Variants in FAM83G observed in about 807,000 individuals in gnomAD.
FAM83G encodes the protein scaffolding CK1 anchoring protein G.
FAM83G carries 38 observed loss-of-function variants against 61.5 expected under a neutral mutation model. The ratio of observed to expected loss-of-function variants is 0.62; its 90% CI spans 0.48 to 0.81. FAM83G has a LOEUF of 0.81. Ranked by LOEUF, FAM83G falls within the 30% of genes least tolerant of loss-of-function variation. FAM83G has a pLI of 0.00. For synonymous variants in FAM83G, 470 were observed against 476.1 expected (o/e 0.99, Z 0.17); for missense variants, 989 against 1,133.6 (o/e 0.87, Z 1.83).
At chr17:18,983,876 A>G (rs1394418231) in intron 3 of FAM83G, among the ~76,000 whole-genome samples, 1 of 152,170 alleles carries the variant, frequency 6.6e-6, no homozygotes, top group African/African-American at 2.4e-5. Flanking sequence ...CCCCTAGGCC[A>G]AGGCTGCTCA....
intron 3 of FAM83G, among the ~76,000 whole-genome samples, chr17:18,980,950 T>C (rs1325858522): frequency 1.3e-5 from 2 of 152,190 alleles, no homozygotes; most frequent in African/African-American, 4.8e-5. Flanking sequence ...CTGTGCCGGC[T>C]TCTGGCTCTC....
intron 3 of FAM83G, among the ~76,000 whole-genome samples, chr17:18,986,910 C>A (rs2043283644): frequency 6.6e-6 from 1 of 152,234 alleles, no homozygotes; most frequent in East Asian, 1.9e-4. Context: ...CTATCTGCCA[C>A]TGGAATCGAT....
At chr17:18,987,876 A>G (rs2043310112) in intron 3 of FAM83G, among the ~76,000 whole-genome samples, 1 of 152,214 alleles carries the variant, frequency 6.6e-6, no homozygotes, top group South Asian at 2.1e-4. Context: ...CTCTCCAGAA[A>G]GGCCACGAGC....
At position 18,971,143 on chromosome 17, in the gene FAM83G, C is replaced by G; in HGVS notation, c.*216G>C. ...CCATGCACATGTTTCGAGACCCCCA[C>G]ACAGGGGACCTGCCGTGGACCGGGA... On this transcript the variant is annotated 3_prime_UTR_variant, in exon 6 of 6. Transcript: ENST00000388995. The surrounding 1 kb of genome is among the most constrained non-coding windows in gnomAD (Gnocchi z 5.5). 6.2e-7 allele frequency: 1 copy of G among 1,614,086 alleles called. No individual in the cohort carries two copies. The highest frequency in any genetic ancestry group is 8.5e-7 in the Non-Finnish European group (1 of 1,180,044).
Position 18,969,469 on chromosome 17 carries a change from C to A in FAM83G, c.*1890G>T. 1.3e-6 allele frequency: 2 copies of A among 1,563,296 alleles called. No homozygotes were observed. Among genetic ancestry groups the A allele is most frequent in the Non-Finnish European group, 1.8e-6 (2 of 1,136,606 alleles). ...ATGGCGGGGCTGTCCCCACAGCGAG[C>A]CCTTTGGAGTCTGGCACTGCCCGGC... On this transcript the variant is annotated 3_prime_UTR_variant, in exon 6 of 6. Transcript: ENST00000388995.
chr17:18,971,220 T>C lies in FAM83G; in HGVS notation c.*139A>G, dbSNP rs992243960. The stretch of plus-strand genomic sequence containing the variant: ...ACCTGGTACTGGTGCACCGACCAGG[T>C]GAGTGCCAACGTCTCCCGCCCATCC... On this transcript the variant is annotated 3_prime_UTR_variant, in exon 6 of 6. Transcript: ENST00000388995. The surrounding 1 kb of genome is among the most constrained non-coding windows in gnomAD (Gnocchi z 5.5). 1.2e-6 allele frequency: 2 copies of C among 1,613,792 alleles called. No homozygotes were observed. Among genetic ancestry groups the C allele is most frequent in the Non-Finnish European group, 1.7e-6 (2 of 1,179,998 alleles).
Position 18,982,878 on chromosome 17 carries a change from G to A in FAM83G, c.691-3205C>T, listed in dbSNP as rs191328065. Among the ~76,000 whole-genome samples, 369 of 152,304 alleles carry A rather than the reference G, an allele frequency of 2.4e-3. 1 individual carries two copies. Among genetic ancestry groups the A allele is most frequent in the African/African-American group, 8.6e-3 (359 of 41,564 alleles). ...CGCCAACCAAGGCCTTTCTTTCCAC[G>A]CCTCAGTTTTCTCATCTATGAAAGG... On this transcript the variant is annotated intron_variant, in intron 3 of 5. Coordinates refer to ENST00000388995, the MANE Select transcript of FAM83G (RefSeq NM_001039999.3).
At position 18,978,162 on chromosome 17, in the gene FAM83G, G is replaced by T; in HGVS notation, c.1504C>A (p.Pro502Thr). 6 of 1,532,042 alleles carry T rather than the reference G, an allele frequency of 3.9e-6. No homozygotes were observed. The highest frequency in any genetic ancestry group is 4.4e-6 in the Non-Finnish European group (5 of 1,142,960). 94.9% of individuals were successfully genotyped at this position (1,532,042 alleles called of 1,614,324 possible). A position where few individuals can be genotyped will look rare whatever the true frequency, so the allele number is the denominator to read the frequency against. ...ACTGTCCGGGGCTTGGGCACGGGGGGCAATGGCTCAGGGTCCCCCTGGGGG... is the reference window on the plus strand; with the variant it reads ...ACTGTCCGGGGCTTGGGCACGGGGGTCAATGGCTCAGGGTCCCCCTGGGGG... Reference protein sequence around the residue: ...GLPQGDPEPLPPVPKPRTVPV... With the variant: ...GLPQGDPEPLTPVPKPRTVPV... Residue 502 changes from proline (P) to threonine (T), a missense_variant, in exon 5 of 6, where the codon CCC becomes ACC. This residue lies in a region of FAM83G where 574 missense variants were observed against 645.1 expected (regional missense o/e 0.89). Transcript: ENST00000388995.
At position 18,978,809 on chromosome 17, in the gene FAM83G, G is replaced by A. The variant is rs2043056300; in HGVS notation, c.857C>T (p.Ser286Phe). 6.2e-7 allele frequency: 1 copy of A among 1,612,874 alleles called. No homozygotes were observed. The highest frequency in any genetic ancestry group is 1.3e-5 in the African/African-American group (1 of 74,908). The change falls in exon 5 of 6, where the codon TCT becomes TTT. Residue 286 changes from serine to phenylalanine, a missense_variant. Ser to Phe is a radical substitution (Grantham distance 155). Transcript: ENST00000388995. ...CTCCACCACCTGGCCAGACAGCACA[G>A]AGATCACATTCCGGTCCGTCCGCGC... ...SAARTDRNVI[S>F]VLSGQVVEMF...
chr17:18,994,427 G>T (rs1235639472), intron 2 of FAM83G, among the ~76,000 whole-genome samples: 1 of 152,156 alleles, frequency 6.6e-6, no homozygotes, highest in Non-Finnish European at 1.5e-5. Context: ...ACGGAGTGCC[G>T]CAGGGGAGAG....
rs201705919 is a variant in FAM83G, at chr17:18,978,175, G to A, written c.1491C>T (p.Asp497=). The change falls in exon 5 of 6, where the codon GAC becomes GAT. Residue 497 remains aspartate, a synonymous_variant. Coordinates refer to ENST00000388995, the MANE Select transcript of FAM83G (RefSeq NM_001039999.3). ...TGGGCACGGGGGGCAATGGCTCAGG[G>A]TCCCCCTGGGGGAGGCCGTTCTCAG... ...VPAENGLPQG[D]PEPLPPVPKP... 314 of 1,539,602 alleles carry A rather than the reference G, an allele frequency of 2.0e-4. 4 individuals are homozygous for A. The South Asian group carries it at 3.5e-3, about 17-fold the overall frequency.
Position 18,969,286 on chromosome 17 carries a change from G to C in FAM83G, c.*2073C>G, listed in dbSNP as rs570509089. On this transcript the variant is annotated 3_prime_UTR_variant, in exon 6 of 6. Coordinates refer to ENST00000388995, the MANE Select transcript of FAM83G (RefSeq NM_001039999.3). ...GCAGGAGCCCCAGAAGTTCCTCCCCGTGTCCCTCCTCCCTGGGGCCAGGGC... is the reference window on the plus strand; with the variant it reads ...GCAGGAGCCCCAGAAGTTCCTCCCCCTGTCCCTCCTCCCTGGGGCCAGGGC... 6 of 1,591,700 alleles carry C rather than the reference G, an allele frequency of 3.8e-6. No individual in the cohort carries two copies. The highest frequency in any genetic ancestry group is 5.2e-6 in the Non-Finnish European group (6 of 1,164,100).
rs1388594559 is a variant in FAM83G at position 18,984,753 on chromosome 17, C to G, written c.690+3494G>C. 1.1e-4 allele frequency among the ~76,000 whole-genome samples: 17 copies of G among 152,254 alleles called. 1 individual carries two copies. Among genetic ancestry groups the G allele is most frequent in the Admixed American group, 1.1e-3 (17 of 15,290 alleles). On this transcript the variant is annotated intron_variant, in intron 3 of 5. Coordinates refer to ENST00000388995, the MANE Select transcript of FAM83G (RefSeq NM_001039999.3). The stretch of plus-strand genomic sequence containing the variant: ...ATCCCTCCACACCCAGTATCACCCC[C>G]AAAAGCAGCCAAGTCATGCGGCCTG...
Position 19,004,047 on chromosome 17 carries a change from C to T in FAM83G, c.-6G>A, listed in dbSNP as rs1387359315. On this transcript the variant is annotated 5_prime_UTR_variant, in exon 2 of 6. Coordinates refer to ENST00000388995, the MANE Select transcript of FAM83G (RefSeq NM_001039999.3). The surrounding 1 kb of genome is among the most constrained non-coding windows in gnomAD (Gnocchi z 5.4). ...TGCACCTGAGAGAAGGCCATGGCGC[C>T]GCCTGCCCGGGCACTGCTGCCGGGG... 1 of 1,576,264 alleles carries T rather than the reference C, an allele frequency of 6.3e-7. No individual in the cohort carries two copies. The highest frequency in any genetic ancestry group is 1.8e-5 in the Admixed American group (1 of 56,486).
chr17:18,982,666 A>G (rs1399693979), intron 3 of FAM83G, among the ~76,000 whole-genome samples: 2 of 152,098 alleles, frequency 1.3e-5, no homozygotes, highest in African/African-American at 4.8e-5. Context: ...GGGGCAAACT[A>G]CAGCAACCTG....
At position 18,969,296 on chromosome 17, in the gene FAM83G, T is replaced by C; in HGVS notation, c.*2063A>G. On this transcript the variant is annotated 3_prime_UTR_variant, in exon 6 of 6. Coordinates refer to ENST00000388995, the MANE Select transcript of FAM83G (RefSeq NM_001039999.3). ...CAGAAGTTCCTCCCCGTGTCCCTCC[T>C]CCCTGGGGCCAGGGCCCCCTCCAGC... 6.2e-7 allele frequency: 1 copy of C among 1,600,784 alleles called. No homozygotes were observed. Among genetic ancestry groups the C allele is most frequent in the Non-Finnish European group, 8.5e-7 (1 of 1,170,904 alleles).
Position 19,003,435 on chromosome 17 carries a change from C to G in FAM83G, c.522+85G>C. ...TCCCTAGAAGCCCATGTTGGGCTCC[C>G]GTTTTGGGCTCTGAGTGAGCCTGTA... On this transcript the variant is annotated intron_variant, in intron 2 of 5. Coordinates refer to ENST00000388995, the MANE Select transcript of FAM83G (RefSeq NM_001039999.3). This position sits in a 1 kb window ranked among gnomAD's most constrained non-coding sequence, Gnocchi z 4.5. 1 of 1,390,530 alleles carries G rather than the reference C, an allele frequency of 7.2e-7. No homozygotes were observed. The highest frequency in any genetic ancestry group is 9.4e-7 in the Non-Finnish European group (1 of 1,059,148). 86.1% of individuals were successfully genotyped at this position (1,390,530 alleles called of 1,614,324 possible). A position where few individuals can be genotyped will look rare whatever the true frequency, so the allele number is the denominator to read the frequency against.
chr17:18,989,965 C>T (rs1053561597), intron 2 of FAM83G, among the ~76,000 whole-genome samples: 21 of 152,286 alleles, frequency 1.4e-4, no homozygotes, highest in Admixed American at 3.9e-4. Context: ...GAGCGGACAG[C>T]GGAGGTGTGG....
chr17:18,970,910 T>G lies in FAM83G; in HGVS notation c.*449A>C. The G allele has an allele frequency of 1.9e-6, 2 of 1,071,216 alleles. No individual in the cohort carries two copies. The highest frequency in any genetic ancestry group is 2.8e-6 in the Non-Finnish European group (2 of 713,330). The allele number at this position is 1,071,216 out of a possible 1,614,324, so 66.4% of individuals were successfully genotyped here. On this transcript the variant is annotated 3_prime_UTR_variant, in exon 6 of 6. Coordinates refer to ENST00000388995, the MANE Select transcript of FAM83G (RefSeq NM_001039999.3). ...AGATGAGGTGGAAAAAACTCAAGTT[T>G]GATGCATCAGGAAGTTTCTTGTGAG...
Sources: gnomAD v4.1 joint callset for allele counts (sites outside exome capture counted in the v4.1 genomes callset) on GRCh38, gnomAD v4.1.1 for gene constraint, gnomAD v4.1.1 regional missense constraint, Gnocchi (gnomAD v3.1) non-coding constraint, MANE v1.5 for transcripts, NCBI Gene and HGNC (gene_info 2026-07-23, HGNC 2026-07-21) for gene names.